The following DIAPH2 variants were observed in gnomAD, a reference collection of about 807,000 sequenced individuals.
DIAPH2 encodes diaphanous related formin 2.
DIAPH2 carries 35 observed loss-of-function variants against 92.7 expected under a neutral mutation model. That is an observed-to-expected ratio of 0.38 (90% CI 0.29 to 0.50). The LOEUF is 0.50. Ranked by LOEUF, DIAPH2 falls within the 20% of genes least tolerant of loss-of-function variation. DIAPH2 has a pLI of 0.94. For synonymous variants in DIAPH2, 301 were observed against 280.4 expected, an observed-to-expected ratio of 1.07 and a Z score of -0.73; for missense variants, 701 against 819.5, an observed-to-expected ratio of 0.86 and a Z score of 1.77.
intron 22 of DIAPH2, among the ~76,000 whole-genome samples, chrX:97,156,198 C>T (rs1031157130): frequency 3.6e-5 from 4 of 111,979 alleles, no homozygotes; most frequent in Non-Finnish European, 7.5e-5. Flanking sequence ...TTTCAGTATG[C>T]ACCTTATAAA....
In DIAPH2 at chrX:96,847,243, C is replaced by G. The variant is rs1380803627; in HGVS notation, c.448-34336C>G. Reference sequence around the variant, plus strand: ...AAGGCACAAAAGGAATAAGTAGAACCAAGGAATAAGTTGCTGTGATAAAGG... The same window carrying G: ...AAGGCACAAAAGGAATAAGTAGAACGAAGGAATAAGTTGCTGTGATAAAGG... On this transcript the variant is annotated intron_variant, in intron 4 of 26. Coordinates refer to ENST00000324765, the MANE Select transcript of DIAPH2 (RefSeq NM_006729.5). Among the ~76,000 whole-genome samples the G allele has an allele frequency of 6.3e-5, 7 of 111,502 alleles. No individual in the cohort carries two copies. In the East Asian group the frequency reaches 2.0e-3, roughly 31 times the overall value.
At chrX:96,793,444 C>T (rs1413094525) in intron 4 of DIAPH2, among the ~76,000 whole-genome samples, 3 of 113,102 alleles carry the variant, frequency 2.7e-5, no homozygotes, top group Non-Finnish European at 3.7e-5. Context: ...GCTGGGATTA[C>T]AGGCACAAGT....
At chrX:96,856,583 A>C (rs1349538097) in intron 4 of DIAPH2, among the ~76,000 whole-genome samples, 1 of 58,768 alleles carries the variant, frequency 1.7e-5, no homozygotes, top group African/African-American at 1.4e-4. Context: ...TAATATATAT[A>C]TTTAAAAAAA....
intron 4 of DIAPH2, among the ~76,000 whole-genome samples, chrX:96,818,341 G>T (rs2064754610): frequency 1.8e-5 from 2 of 110,185 alleles, no homozygotes; most frequent in Admixed American, 9.6e-5. Context: ...AGTAATTGTG[G>T]TTTTTGCCAT....
rs371346517 is a variant in DIAPH2 at position 96,849,551 on chromosome X, T to G, written c.448-32028T>G. 8.1e-5 allele frequency among the ~76,000 whole-genome samples: 9 copies of G among 111,647 alleles called. No individual in the cohort carries two copies. In the East Asian group the frequency reaches 2.5e-3, roughly 32 times the overall value. On this transcript the variant is annotated intron_variant, in intron 4 of 26. Coordinates refer to ENST00000324765, the MANE Select transcript of DIAPH2 (RefSeq NM_006729.5). ...TTGTGTAGGGCCAATACTTAATGAT[T>G]GTTTTTTCATGATTGCTATTAAAGA... is the stretch of plus-strand genomic sequence containing the variant.
At chrX:97,047,542 C>CTTTTTTTTTTTTTTTTTTTTTTTT (rs5903064) in intron 17 of DIAPH2, among the ~76,000 whole-genome samples, 1 of 30,109 alleles carries the variant, frequency 3.3e-5, no homozygotes, top group African/African-American at 1.6e-4. Flanking sequence ...ATAAAATAGG[C>CTTTTTTTTTTTTTTTTTTTTTTTT]TTTTTTTTTT....
rs1306252279 is a variant in DIAPH2, at chrX:96,685,133, G to C, written c.75G>C (p.Lys25Asn). ...AACCCGGTGGGGGCCGGAGCAACAA[G>C]CGGAGCGCGGGGAACCGGGCCGCCA... ...SEEPGGGRSN[K>N]RSAGNRAANE... The change falls in exon 1 of 27, where the codon AAG becomes AAC. Residue 25 changes from lysine (K) to asparagine (N), a missense_variant. Lys to Asn is a moderately conservative substitution (Grantham distance 94). This residue lies in a region of DIAPH2 where 131 missense variants were observed against 145.6 expected (regional missense o/e 0.90). Coordinates refer to ENST00000324765, the MANE Select transcript of DIAPH2 (RefSeq NM_006729.5). The C allele has an allele frequency of 9.8e-7, 1 of 1,015,309 alleles. No homozygotes were observed. Among genetic ancestry groups the C allele is most frequent in the African/African-American group, 2.0e-5 (1 of 50,425 alleles). The allele number at this position is 1,015,309 out of a possible 1,213,427, so 83.7% of individuals were successfully genotyped here.
At chrX:97,387,183 A>G in intron 25 of DIAPH2, among the ~76,000 whole-genome samples, 1 of 111,638 alleles carries the variant, frequency 9.0e-6, no homozygotes, top group Non-Finnish European at 1.9e-5. Context: ...AGAAGCAGAA[A>G]GAATGTATTA....
intron 5 of DIAPH2, chrX:96,884,033 A>T (rs1380562700): frequency 3.7e-6 from 1 of 269,359 alleles, no homozygotes; most frequent in Non-Finnish European, 6.5e-6. Context: ...GACTTTTAGA[A>T]TGTAGCAACC....
chrX:97,349,747 G>A (rs1261386716), intron 24 of DIAPH2, among the ~76,000 whole-genome samples: 3 of 110,269 alleles, frequency 2.7e-5, no homozygotes, highest in African/African-American at 3.3e-5. Flanking sequence ...ATACTTTTTA[G>A]CTAACCCATA....
chrX:97,057,765 T>TC (rs2066567698), intron 17 of DIAPH2, among the ~76,000 whole-genome samples: 1 of 112,071 alleles, frequency 8.9e-6, no homozygotes, highest in African/African-American at 3.2e-5. Flanking sequence ...CGGTGGCATT[T>TC]CCCCTTGAAC....
intron 4 of DIAPH2, among the ~76,000 whole-genome samples, chrX:96,851,502 A>G (rs1490243225): frequency 8.9e-6 from 1 of 112,086 alleles, no homozygotes; most frequent in Non-Finnish European, 1.9e-5. Context: ...AACATGGTAT[A>G]GTATTTGCAT....
chrX:97,310,965 C>T (rs1030152213), intron 23 of DIAPH2, among the ~76,000 whole-genome samples: 9 of 111,315 alleles, frequency 8.1e-5, no homozygotes, highest in Non-Finnish European at 1.1e-4. Context: ...GCCGAGATTG[C>T]GCCATTGCAC....
chrX:97,020,842 T>C (rs1184553421), intron 17 of DIAPH2, among the ~76,000 whole-genome samples: 1 of 112,107 alleles, frequency 8.9e-6, no homozygotes, highest in African/African-American at 3.2e-5. Flanking sequence ...GATTTTTCCA[T>C]TTAATATCTT....
chrX:97,112,765 C>CTTTCTTTTTTTTTTTT (rs2066989802), intron 20 of DIAPH2, among the ~76,000 whole-genome samples: 2 of 37,236 alleles, frequency 5.4e-5, no homozygotes, highest in African/African-American at 2.4e-4. Context: ...CCCTTTCTTT[C>CTTTCTTTTTTTTTTTT]TTTTTTTTTT....
At chrX:97,161,493 T>C (rs1325497420) in intron 22 of DIAPH2, among the ~76,000 whole-genome samples, 1 of 110,374 alleles carries the variant, frequency 9.1e-6, no homozygotes, top group Non-Finnish European at 1.9e-5. Context: ...CTTCACCTCC[T>C]GGGCTCAAGC....
intron 4 of DIAPH2, among the ~76,000 whole-genome samples, chrX:96,780,560 C>A (rs1352777812): frequency 9.1e-6 from 1 of 110,332 alleles, no homozygotes; most frequent in African/African-American, 3.3e-5. Context: ...AAGCTCACTG[C>A]AACCTCTGCC....
intron 22 of DIAPH2, among the ~76,000 whole-genome samples, chrX:97,170,357 A>G (rs1226031826): frequency 1.8e-5 from 2 of 112,453 alleles, no homozygotes; most frequent in Non-Finnish European, 3.8e-5. Flanking sequence ...AACAGAGGGG[A>G]CTAAGCAATG....
intron 26 of DIAPH2, among the ~76,000 whole-genome samples, chrX:97,504,908 ATC>A (rs2070822202): frequency 8.9e-6 from 1 of 112,144 alleles, no homozygotes; most frequent in Non-Finnish European, 1.9e-5. Context: ...TCTTCTATGA[ATC>A]TCTGAGTGAA....
Sources: allele counts gnomAD v4.1 joint callset (sites outside exome capture counted in the v4.1 genomes callset), GRCh38; gene constraint gnomAD v4.1.1; regional missense constraint gnomAD v4.1.1; transcripts MANE v1.5; gene names NCBI Gene and HGNC (gene_info 2026-07-23, HGNC 2026-07-21).